Variants in SERPINI1 observed in about 807,000 individuals in gnomAD.
SERPINI1 encodes the protein serpin family I member 1, also known as neuroserpin.
Under a neutral mutation model 41.1 loss-of-function variants are expected in SERPINI1, and 19 were observed. The observed-to-expected ratio is 0.46, with a 90% CI of 0.32 to 0.68. The LOEUF (loss-of-function observed/expected upper bound fraction) is 0.68. Ranked by LOEUF, SERPINI1 falls within the 30% of genes least tolerant of loss-of-function variation. The pLI, the probability that SERPINI1 is intolerant of heterozygous loss-of-function variation, is 0.03. For missense variants in SERPINI1, 460 were observed against 479.2 expected (o/e 0.96, Z 0.37); for synonymous variants, 138 against 156.6 (o/e 0.88, Z 0.89).
chr3:167,776,782 G>T (rs1726981225), intron 1 of SERPINI1, among the ~76,000 whole-genome samples: 1 of 152,174 alleles, frequency 6.6e-6, no homozygotes. Flanking sequence ...GCCAAAAGTG[G>T]CTGCTGGCTG....
At chr3:167,803,873 T>C (rs561647690) in intron 5 of SERPINI1, among the ~76,000 whole-genome samples, 1 of 152,356 alleles carries the variant, frequency 6.6e-6, no homozygotes, top group East Asian at 1.9e-4. Flanking sequence ...CAATGTTTTC[T>C]ATTACCTGAG....
chr3:167,784,772 T>C (rs1158450994), intron 1 of SERPINI1, among the ~76,000 whole-genome samples: 1 of 152,120 alleles, frequency 6.6e-6, no homozygotes, highest in East Asian at 1.9e-4. Context: ...CTTTACCAGA[T>C]TGGGGATTAT....
At chr3:167,817,800 C>T (rs1047820937) in intron 6 of SERPINI1, among the ~76,000 whole-genome samples, 3 of 151,742 alleles carry the variant, frequency 2.0e-5, no homozygotes, top group South Asian at 2.1e-4. Context: ...GGGGTTTCAC[C>T]GTGTTAGCCA....
intron 1 of SERPINI1, among the ~76,000 whole-genome samples, chr3:167,775,446 G>A (rs1726937454): frequency 6.6e-6 from 1 of 151,744 alleles, no homozygotes; most frequent in South Asian, 2.1e-4. Context: ...TTTTAGTAGA[G>A]ATGGGCTTCA....
At chr3:167,759,400 G>GTGTATGTATATATATA (rs964402772) in intron 1 of SERPINI1, among the ~76,000 whole-genome samples, 14 of 121,156 alleles carry the variant, frequency 1.2e-4, no homozygotes, top group African/African-American at 4.3e-4. Flanking sequence ...AGAAAATGTG[G>GTGTATGTATATATATA]TATATATATA....
intron 5 of SERPINI1, among the ~76,000 whole-genome samples, chr3:167,798,358 G>A (rs533043575): frequency 1.3e-5 from 2 of 152,260 alleles, no homozygotes; most frequent in African/African-American, 2.4e-5. Context: ...TGCATAGATA[G>A]GGAGGCTAAA....
At chr3:167,795,168 A>C (rs16851469) in intron 5 of SERPINI1, among the ~76,000 whole-genome samples, 19,240 of 152,078 alleles carry the variant, frequency 0.13, 1,460 homozygotes, top group African/African-American at 0.21. Flanking sequence ...TCTGAATATC[A>C]TTTGCATTGA....
intron 5 of SERPINI1, among the ~76,000 whole-genome samples, chr3:167,806,620 A>G (rs1316962883): frequency 2.0e-5 from 3 of 152,194 alleles, no homozygotes; most frequent in African/African-American, 7.2e-5. Flanking sequence ...CACTATAACC[A>G]TAAAGATACA....
At chr3:167,818,323 C>T (rs536595948) in intron 6 of SERPINI1, among the ~76,000 whole-genome samples, 30 of 152,160 alleles carry the variant, frequency 2.0e-4, no homozygotes, top group African/African-American at 5.8e-4. Flanking sequence ...CCACCGCGCC[C>T]GGCCAAATAT....
intron 1 of SERPINI1, among the ~76,000 whole-genome samples, chr3:167,753,323 C>T (rs1162177440): frequency 6.6e-6 from 1 of 151,926 alleles, no homozygotes; most frequent in Non-Finnish European, 1.5e-5. Context: ...ATTCCCAGTG[C>T]CCAGAAAAGT....
intron 5 of SERPINI1, 128 bp downstream of exon 5, chr3:167,794,952 T>G (rs545290362): frequency 1.4e-6 from 1 of 729,714 alleles, no homozygotes; most frequent in East Asian, 2.7e-5. Context: ...TTATTCTTGT[T>G]CTTCTCCTTC....
intron 1 of SERPINI1, among the ~76,000 whole-genome samples, chr3:167,744,652 A>G (rs1337002893): frequency 4.6e-5 from 6 of 130,256 alleles, no homozygotes; most frequent in African/African-American, 1.8e-4. Flanking sequence ...ATATAAATAT[A>G]TATAAATATA....
At chr3:167,805,774 G>A (rs1043735527) in intron 5 of SERPINI1, among the ~76,000 whole-genome samples, 60 of 152,032 alleles carry the variant, frequency 3.9e-4, no homozygotes, top group Admixed American at 1.6e-3. Flanking sequence ...GTCAGTTTTC[G>A]CAGCACCATT....
chr3:167,771,292 TTAAA>T (rs1726740112), intron 1 of SERPINI1, among the ~76,000 whole-genome samples: 1 of 151,984 alleles, frequency 6.6e-6, no homozygotes, highest in African/African-American at 2.4e-5. Flanking sequence ...GGAAGACTAA[TTAAA>T]TAAATACAGT....
At chr3:167,795,644 T>A (rs1727685920) in intron 5 of SERPINI1, among the ~76,000 whole-genome samples, 2 of 152,122 alleles carry the variant, frequency 1.3e-5, no homozygotes, top group African/African-American at 4.8e-5. Context: ...GTTACCCTCA[T>A]TTTTGCTTCA....
intron 1 of SERPINI1, among the ~76,000 whole-genome samples, chr3:167,776,831 G>A (rs925393048): frequency 1.3e-5 from 2 of 152,202 alleles, no homozygotes; most frequent in Non-Finnish European, 2.9e-5. Context: ...ATTTCTGTCA[G>A]CACAGAAAGT....
chr3:167,771,847 G>GTCTA (rs10658292), intron 1 of SERPINI1, among the ~76,000 whole-genome samples: 1 of 149,710 alleles, frequency 6.7e-6, no homozygotes, highest in Non-Finnish European at 1.5e-5. Flanking sequence ...GTGTGTGTGT[G>GTCTA]CGCGCACGCG....
chr3:167,799,214 C>A (rs931698038), intron 5 of SERPINI1, among the ~76,000 whole-genome samples: 7 of 152,036 alleles, frequency 4.6e-5, no homozygotes, highest in African/African-American at 1.7e-4. Context: ...TCCAACAGGC[C>A]CCGGTGTGTG....
chr3:167,797,338 CTTTAA>C (rs926882339), intron 5 of SERPINI1, among the ~76,000 whole-genome samples: 1 of 152,150 alleles, frequency 6.6e-6, no homozygotes, highest in African/African-American at 2.4e-5. Flanking sequence ...CGCAGAAGCT[CTTTAA>C]TTTAATTAAA....
Sources: gnomAD v4.1 joint callset for allele counts (sites outside exome capture counted in the v4.1 genomes callset) on GRCh38, gnomAD v4.1.1 for gene constraint, MANE v1.5 for transcripts, NCBI Gene and HGNC (gene_info 2026-07-23, HGNC 2026-07-21) for gene names.